Variants in PRDM10 observed in about 807,000 individuals in gnomAD.
The protein encoded by PRDM10 is PR domain zinc finger protein 10.
PRDM10 carries 65 observed loss-of-function variants against 133.1 expected under a neutral mutation model. The ratio of observed to expected loss-of-function variants is 0.49; its 90% CI spans 0.40 to 0.60. PRDM10 has a LOEUF of 0.60. PRDM10 is among the 20% of genes least tolerant of loss of function. The probability of loss-of-function intolerance (pLI) is 0.00; values close to 1 mark genes in which losing one functional copy is unlikely to be tolerated. For synonymous variants in PRDM10, 582 were observed against 580.4 expected (o/e 1.00, Z -0.04); for missense variants, 1,137 against 1,507.1 (o/e 0.75, Z 4.07).
chr11:129,925,526 A>G (rs925200271), intron 11 of PRDM10, among the ~76,000 whole-genome samples: 2 of 152,212 alleles, frequency 1.3e-5, no homozygotes, highest in African/African-American at 4.8e-5. Flanking sequence ...CCAATAGAAG[A>G]CTTGTATAAT....
chr11:129,964,265 T>A (rs972901383), intron 1 of PRDM10, among the ~76,000 whole-genome samples: 29 of 152,186 alleles, frequency 1.9e-4, no homozygotes, highest in African/African-American at 7.0e-4. Context: ...GAGAGTCTTT[T>A]TGTCTTTGTT....
In PRDM10 at chr11:129,914,997, G is replaced by C. The variant is rs765995026; in HGVS notation, c.2548C>G (p.Arg850Gly). The change falls in exon 17 of 21, where the codon CGA becomes GGA. Residue 850 changes from arginine (R) to glycine (G), a missense_variant. Physicochemically the swap from Arg to Gly is moderately radical, Grantham distance 125. Transcript: ENST00000360871. ...SSKTKMVQHI[R>G]KKHPEFAQLS... is the part of the protein sequence containing the mutation. ...TGGGCGAACTCTGGATGCTTCTTTC[G>C]AATGTGCTGGACCATCTTGGTCTGA... 6.2e-7 allele frequency: 1 copy of C among 1,604,242 alleles called. No individual in the cohort carries two copies.
At chr11:129,933,630 G>A (rs1317281400) in intron 9 of PRDM10, among the ~76,000 whole-genome samples, 2 of 152,052 alleles carry the variant, frequency 1.3e-5, no homozygotes, top group African/African-American at 2.4e-5. Flanking sequence ...TCACATACTG[G>A]GCTAGGCACT....
At chr11:129,910,040 A>C (rs1013720287) in intron 19 of PRDM10, among the ~76,000 whole-genome samples, 1 of 152,254 alleles carries the variant, frequency 6.6e-6, no homozygotes, top group Non-Finnish European at 1.5e-5. Flanking sequence ...GTTCGGAATC[A>C]TTCCTGGCAA....
chr11:129,907,971 T>C (rs940936361), intron 19 of PRDM10, among the ~76,000 whole-genome samples: 1 of 151,322 alleles, frequency 6.6e-6, no homozygotes, highest in Non-Finnish European at 1.5e-5. Context: ...CATGGTGGTA[T>C]GTGCCTGTAG....
intron 1 of PRDM10, among the ~76,000 whole-genome samples, chr11:129,998,990 CTT>C (rs1385305441): frequency 1.3e-5 from 2 of 151,790 alleles, no homozygotes; most frequent in Non-Finnish European, 2.9e-5. Context: ...ACCTGGCTAA[CTT>C]TTTTGTTTTT....
At chr11:129,965,243 AG>A (rs997179371) in intron 1 of PRDM10, among the ~76,000 whole-genome samples, 1 of 152,154 alleles carries the variant, frequency 6.6e-6, no homozygotes, top group Non-Finnish European at 1.5e-5. Flanking sequence ...CCTGTCTCAA[AG>A]AAAAAAAAAA....
At position 129,923,232 on chromosome 11, in the gene PRDM10, T is replaced by C; in HGVS notation, c.2034+16A>G. 2 of 1,563,760 alleles carry C rather than the reference T, an allele frequency of 1.3e-6. No individual in the cohort carries two copies. The highest frequency in any genetic ancestry group is 1.7e-6 in the Non-Finnish European group (2 of 1,153,044). On this transcript the variant is annotated intron_variant, in intron 13 of 20. Coordinates refer to ENST00000360871, the MANE Select transcript of PRDM10 (RefSeq NM_199437.2). The surrounding 1 kb of genome is among the most constrained non-coding windows in gnomAD (Gnocchi z 4.4). The stretch of plus-strand genomic sequence containing the variant: ...TGGCCACGAGAACCACCTTGGGCTG[T>C]GCCTTGGTGTCATACCTTAAATTGC...
rs1951357753 is a variant in PRDM10, at chr11:129,944,948, G to T, written c.585C>A (p.Ile195=). The stretch of plus-strand genomic sequence containing the variant: ...CCCGGGTGAGCACCGGCCGGTTGGG[G>T]ATCGGGTGCAAGGGGCCGTGCTTCG... ...VCPKHGPLHP[I]PNRPVLTRAR... Residue 195 remains isoleucine, a synonymous_variant, in exon 6 of 21, where the codon ATC becomes ATA. Transcript: ENST00000360871. 5 of 1,613,844 alleles carry T rather than the reference G, an allele frequency of 3.1e-6. No individual in the cohort carries two copies. The highest frequency in any genetic ancestry group is 1.3e-5 in the African/African-American group (1 of 75,024).
At chr11:129,930,567 A>G (rs919813042) in intron 11 of PRDM10, among the ~76,000 whole-genome samples, 2 of 152,242 alleles carry the variant, frequency 1.3e-5, no homozygotes, top group African/African-American at 2.4e-5. Flanking sequence ...GTCACTTTAC[A>G]TTGATGAGTA....
chr11:129,910,519 C>G lies in PRDM10; in HGVS notation c.3120G>C (p.Gln1040His). The change falls in exon 19 of 21, where the codon CAG becomes CAC. Residue 1040 changes from glutamine (Q) to histidine (H), a missense_variant. Around this residue, in one of 6 missense-constraint regions of PRDM10, gnomAD observed 243 missense variants for 259.2 expected, o/e 0.94. Coordinates refer to ENST00000360871, the MANE Select transcript of PRDM10 (RefSeq NM_199437.2). ...QQQQQQNSSVQHTYLPSAWNS... is the reference protein window; with the variant it reads ...QQQQQQNSSVHHTYLPSAWNS... The stretch of plus-strand genomic sequence containing the variant: ...TCCAAGCACTGGGCAGGTACGTGTG[C>G]TGCACAGAGGAATTCTGCTGCTGCT... The G allele has an allele frequency of 6.2e-7, 1 of 1,614,104 alleles. No homozygotes were observed. Among genetic ancestry groups the G allele is most frequent in the Non-Finnish European group, 8.5e-7 (1 of 1,180,032 alleles).
In PRDM10 at chr11:129,914,887, T is replaced by C; in HGVS notation, c.2658A>G (p.Gly886=). The C allele has an allele frequency of 6.2e-7, 1 of 1,614,114 alleles. No homozygotes were observed. The change falls in exon 17 of 21, where the codon GGA becomes GGG. Residue 886 remains glycine, a synonymous_variant. Coordinates refer to ENST00000360871, the MANE Select transcript of PRDM10 (RefSeq NM_199437.2). ...GCAGGTCCGTCGTCACCACAGTCTCTCCAGTGGCGCTGTCTGTAGTCAAAA... is the reference window on the plus strand; with the variant it reads ...GCAGGTCCGTCGTCACCACAGTCTCCCCAGTGGCGCTGTCTGTAGTCAAAA... ...PAVLTTDSAT[G]ETVVTTDLLT... is the part of the protein sequence containing the mutation.
At chr11:129,953,334 G>A (rs2135905039) in intron 4 of PRDM10, among the ~76,000 whole-genome samples, 1 of 150,918 alleles carries the variant, frequency 6.6e-6, no homozygotes, top group Non-Finnish European at 1.5e-5. Flanking sequence ...TTGCTGTGTT[G>A]CCAGGCTGGA....
At chr11:129,990,522 C>CAAAAAAAAA (rs59217112) in intron 1 of PRDM10, among the ~76,000 whole-genome samples, 2 of 67,084 alleles carry the variant, frequency 3.0e-5, no homozygotes, top group African/African-American at 4.9e-5. Context: ...ACTTTGTCTC[C>CAAAAAAAAA]AAAAAAAAAA....
intron 11 of PRDM10, among the ~76,000 whole-genome samples, chr11:129,930,401 T>C (rs1950816151): frequency 6.6e-6 from 1 of 152,312 alleles, no homozygotes; most frequent in East Asian, 1.9e-4. Flanking sequence ...AGAAAACGCA[T>C]CTGAACTGCA....
intron 19 of PRDM10, among the ~76,000 whole-genome samples, chr11:129,909,397 C>A (rs1334444861): frequency 6.6e-6 from 1 of 151,718 alleles, no homozygotes; most frequent in African/African-American, 2.4e-5. Context: ...TTGCAGTGAG[C>A]CGCGATTGTG....
At chr11:129,908,065 A>G (rs1261900495) in intron 19 of PRDM10, among the ~76,000 whole-genome samples, 1 of 151,658 alleles carries the variant, frequency 6.6e-6, no homozygotes, top group Non-Finnish European at 1.5e-5. Flanking sequence ...ACACCACTGT[A>G]CTCCAGACTG....
intron 6 of PRDM10, among the ~76,000 whole-genome samples, chr11:129,943,818 C>A (rs1415535646): frequency 3.3e-5 from 5 of 151,930 alleles, no homozygotes. Context: ...CATGGTGAAA[C>A]CTCCTCTCTA....
intron 7 of PRDM10, among the ~76,000 whole-genome samples, chr11:129,940,459 T>G (rs893726422): frequency 2.0e-5 from 3 of 152,254 alleles, no homozygotes; most frequent in Non-Finnish European, 4.4e-5. Flanking sequence ...TTTTTCAACA[T>G]TCACATTCAT....
Sources: gnomAD v4.1 joint callset for allele counts (sites outside exome capture counted in the v4.1 genomes callset) on GRCh38, gnomAD v4.1.1 for gene constraint, gnomAD v4.1.1 regional missense constraint, Gnocchi (gnomAD v3.1) non-coding constraint, MANE v1.5 for transcripts, NCBI Gene and HGNC (gene_info 2026-07-23, HGNC 2026-07-21) for gene names.